The following UNC13C variants were observed in gnomAD, a reference collection of about 807,000 sequenced individuals.
UNC13C encodes protein unc-13 homolog C.
In UNC13C, 174 loss-of-function variants were observed where a neutral mutation model predicts 245.4. The ratio of observed to expected loss-of-function variants is 0.71; its 90% CI spans 0.63 to 0.80. UNC13C has a LOEUF of 0.80. Ranked by LOEUF, UNC13C falls within the 30% of genes least tolerant of loss-of-function variation. The pLI is 0.00. For missense variants in UNC13C, 2,829 were observed against 2,602.9 expected (o/e 1.09, Z -1.89); for synonymous variants, 992 against 895.1 (o/e 1.11, Z -1.93).
chr15:54,441,165 A>G (rs1430440040), intron 19 of UNC13C, among the ~76,000 whole-genome samples: 1 of 151,932 alleles, frequency 6.6e-6, no homozygotes, highest in Non-Finnish European at 1.5e-5. Flanking sequence ...TTAGATTAAT[A>G]TAGTCCCAGT....
intron 17 of UNC13C, among the ~76,000 whole-genome samples, chr15:54,341,887 A>T (rs2038740654): frequency 6.6e-6 from 1 of 151,858 alleles, no homozygotes; most frequent in South Asian, 2.1e-4. Context: ...GAGGCAGGAG[A>T]ATGGTGTGAA....
intron 2 of UNC13C, among the ~76,000 whole-genome samples, chr15:54,060,056 G>A (rs1183784909): frequency 6.6e-6 from 1 of 152,114 alleles, no homozygotes; most frequent in Non-Finnish European, 1.5e-5. Context: ...CATAGGCATG[G>A]GCAAGGACTT....
At chr15:54,323,757 A>G (rs2038226763) in intron 14 of UNC13C, among the ~76,000 whole-genome samples, 1 of 152,094 alleles carries the variant, frequency 6.6e-6, no homozygotes. Flanking sequence ...TCTTAGTAAC[A>G]GCACTTGCTG....
intron 17 of UNC13C, among the ~76,000 whole-genome samples, chr15:54,343,465 C>T (rs936146649): frequency 6.6e-6 from 1 of 152,166 alleles, no homozygotes; most frequent in Non-Finnish European, 1.5e-5. Context: ...TCTTACCAGA[C>T]TTTACCAGGT....
chr15:54,256,052 T>C lies in UNC13C; in HGVS notation c.3448+5608T>C, dbSNP rs932991092. The stretch of plus-strand genomic sequence containing the variant: ...TATCAATGCATGTTTTTTCATAGTA[T>C]TGAGCTATTTAAAAATAATCTGACT... On this transcript the variant is annotated intron_variant, in intron 8 of 32. Transcript: ENST00000260323. Among the ~76,000 whole-genome samples the C allele has an allele frequency of 5.8e-4, 88 of 152,214 alleles. 1 individual carries two copies. Among genetic ancestry groups the C allele is most frequent in the Non-Finnish European group, 1.2e-3 (79 of 68,040 alleles).
intron 19 of UNC13C, among the ~76,000 whole-genome samples, chr15:54,468,426 T>G (rs950927683): frequency 3.3e-5 from 5 of 151,772 alleles, no homozygotes; most frequent in Non-Finnish European, 7.4e-5. Context: ...CTTTTTTGTT[T>G]CCTTTGCTGT....
chr15:54,047,405 C>A (rs2141045402), intron 2 of UNC13C, among the ~76,000 whole-genome samples: 1 of 152,078 alleles, frequency 6.6e-6, no homozygotes, highest in Non-Finnish European at 1.5e-5. Flanking sequence ...AATCAATAGC[C>A]AACCCCTACC....
In UNC13C at chr15:54,362,774, G is replaced by T. The variant is rs990686905; in HGVS notation, c.4713+24285G>T. Among the ~76,000 whole-genome samples, 28 of 152,034 alleles carry T rather than the reference G, an allele frequency of 1.8e-4. 1 individual carries two copies. Among genetic ancestry groups the T allele is most frequent in the Non-Finnish European group, 3.5e-4 (24 of 67,990 alleles). On this transcript the variant is annotated intron_variant, in intron 17 of 32. Coordinates refer to ENST00000260323, the MANE Select transcript of UNC13C (RefSeq NM_001080534.3). ...CTACTGCATGACTCAGACAAATAAA[G>T]GGAAAGTTAAAATGTGGAAAATGCT...
At chr15:54,235,153 T>C (rs1168133069) in intron 5 of UNC13C, 45 bp downstream of exon 5, 1 of 1,547,706 alleles carries the variant, frequency 6.5e-7, no homozygotes, top group Non-Finnish European at 8.9e-7. Context: ...TGTGTGGTTT[T>C]TTTCCTTACT....
At chr15:53,898,991 C>A in the UNC13C span, among the ~76,000 whole-genome samples, 1 of 151,874 alleles carries the variant, frequency 6.6e-6, no homozygotes, top group African/African-American at 2.4e-5. Flanking sequence ...ACCATGCTCA[C>A]TTCCTCTTGA....
chr15:54,234,244 A>C (rs2035629215), intron 4 of UNC13C, among the ~76,000 whole-genome samples: 1 of 150,378 alleles, frequency 6.6e-6, no homozygotes, highest in South Asian at 2.1e-4. Context: ...ATGTCAGTAT[A>C]TATATATATA....
chr15:54,080,441 A>G lies in UNC13C; in HGVS notation c.2984-62577A>G, dbSNP rs112153399. On this transcript the variant is annotated intron_variant, in intron 2 of 32. Transcript: ENST00000260323. ...TCTGGTAGAATGTGGCTATGAATCC[A>G]TCTGATCTTGGGTTTTTTTTAGTTG... 2.7e-3 allele frequency among the ~76,000 whole-genome samples: 409 copies of G among 152,082 alleles called. 4 individuals are homozygous for G. The highest frequency in any genetic ancestry group is 4.6e-3 in the Non-Finnish European group (313 of 67,894).
At chr15:54,138,169 C>G (rs2031827944) in intron 2 of UNC13C, among the ~76,000 whole-genome samples, 1 of 152,050 alleles carries the variant, frequency 6.6e-6, no homozygotes, top group Non-Finnish European at 1.5e-5. Flanking sequence ...AGAAAAGACA[C>G]TTGATATGAT....
At chr15:54,333,972 G>A (rs990973547) in intron 16 of UNC13C, 116 bp downstream of exon 16, 2 of 700,594 alleles carry the variant, frequency 2.9e-6, no homozygotes, top group Non-Finnish European at 4.9e-6. Context: ...CATCGATTAA[G>A]CTGTACTATC....
intron 2 of UNC13C, chr15:54,049,180 C>T (rs950529863): frequency 3.1e-5 from 14 of 444,892 alleles, no homozygotes; most frequent in African/African-American, 2.5e-4. Flanking sequence ...CCAGTTGATA[C>T]CTTGAAGAAA....
the UNC13C span, among the ~76,000 whole-genome samples, chr15:53,898,657 A>G: frequency 2.0e-4 from 30 of 152,202 alleles, no homozygotes; most frequent in African/African-American, 7.2e-4. Flanking sequence ...TTATTGAGGT[A>G]TAATTGACAA....
In UNC13C at chr15:54,264,344, CA is replaced by C. The variant is rs2036501344; in HGVS notation, c.3626del (p.Gln1209ArgfsTer14). ...TGTGCAGTTTACAAAGGCGGCCAAA[CA>C]GAGTGTACTGGATGGGACATCTAAG... is the stretch of plus-strand genomic sequence containing the variant. ...DFVQFTKAAK[Q>X]SVLDGTSKWS... On this transcript the variant is annotated frameshift_variant, in exon 9 of 33. Transcript: ENST00000260323. LOFTEE classifies it high-confidence loss of function. The C allele has an allele frequency of 6.2e-7, 1 of 1,606,266 alleles. No homozygotes were observed.
chr15:54,098,953 C>G (rs1305951158), intron 2 of UNC13C, among the ~76,000 whole-genome samples: 1 of 152,198 alleles, frequency 6.6e-6, no homozygotes, highest in Non-Finnish European at 1.5e-5. Flanking sequence ...CTCTTTAAGT[C>G]AGAGCCGGTA....
chr15:54,363,191 C>T (rs2039276351), intron 17 of UNC13C, among the ~76,000 whole-genome samples: 1 of 152,216 alleles, frequency 6.6e-6, no homozygotes, highest in Non-Finnish European at 1.5e-5. Context: ...TCACTGCAAC[C>T]TCTGCCTCCT....
Sources: allele counts gnomAD v4.1 joint callset (sites outside exome capture counted in the v4.1 genomes callset), GRCh38; gene constraint gnomAD v4.1.1; transcripts MANE v1.5; gene names NCBI Gene and HGNC (gene_info 2026-07-23, HGNC 2026-07-21).